The following MAGI3 variants were observed in gnomAD, a reference collection of about 807,000 sequenced individuals.
MAGI3 encodes the protein membrane associated guanylate kinase, WW and PDZ domain containing 3.
In MAGI3, 43 loss-of-function variants were observed where a neutral mutation model predicts 121.8. The ratio of observed to expected loss-of-function variants is 0.35; its 90% CI spans 0.28 to 0.46. The LOEUF (loss-of-function observed/expected upper bound fraction) is 0.46, where lower values mean the gene tolerates loss of function less well. Among genes scored for constraint, MAGI3 ranks in the 20% least tolerant of loss-of-function variants. The probability of loss-of-function intolerance (pLI) is 1.00; values close to 1 mark genes in which losing one functional copy is unlikely to be tolerated. For missense variants in MAGI3, 1,547 were observed against 1,797.3 expected (o/e 0.86, Z 2.52); for synonymous variants, 553 against 639.3 (o/e 0.86, Z 2.04).
intron 1 of MAGI3, among the ~76,000 whole-genome samples, chr1:113,442,815 T>C (rs1653985637): frequency 6.6e-6 from 1 of 152,160 alleles, no homozygotes; most frequent in Admixed American, 6.6e-5. Flanking sequence ...TTGACTATTA[T>C]GTTAGCCTCA....
At chr1:113,652,107 T>C (rs1323550225) in intron 14 of MAGI3, among the ~76,000 whole-genome samples, 1 of 152,222 alleles carries the variant, frequency 6.6e-6, no homozygotes, top group Non-Finnish European at 1.5e-5. Context: ...AGTTGCAGTT[T>C]AATTCAGAGA....
chr1:113,422,541 G>A lies in MAGI3; in HGVS notation c.316+31192G>A, dbSNP rs979893954. On this transcript the variant is annotated intron_variant, in intron 1 of 20. Coordinates refer to ENST00000307546, the MANE Select transcript of MAGI3 (RefSeq NM_001142782.2). This position sits in a 1 kb window ranked among gnomAD's most constrained non-coding sequence, Gnocchi z 4.3. ...AGCGAGTGTGGGGTCTGGCCACTGCGCACAGACAGGCATGCCAGCTGCTGC... is the reference window on the plus strand; with the variant it reads ...AGCGAGTGTGGGGTCTGGCCACTGCACACAGACAGGCATGCCAGCTGCTGC... 3.3e-5 allele frequency among the ~76,000 whole-genome samples: 5 copies of A among 152,358 alleles called. No individual in the cohort carries two copies. The highest frequency in any genetic ancestry group is 3.4e-3 in the Middle Eastern group (1 of 294).
intron 1 of MAGI3, among the ~76,000 whole-genome samples, chr1:113,398,632 A>G (rs1651242198): frequency 6.6e-6 from 1 of 152,110 alleles, no homozygotes. Flanking sequence ...GACTATGAAA[A>G]ATGGGATTTT....
intron 2 of MAGI3, among the ~76,000 whole-genome samples, chr1:113,550,937 A>C (rs550994856): frequency 2.1e-5 from 3 of 145,458 alleles, no homozygotes; most frequent in Non-Finnish European, 4.5e-5. Flanking sequence ...AATAATTTTA[A>C]AATCTTTCCC....
At chr1:113,613,451 A>G (rs1390249356) in intron 6 of MAGI3, among the ~76,000 whole-genome samples, 1 of 152,182 alleles carries the variant, frequency 6.6e-6, no homozygotes, top group East Asian at 1.9e-4. Context: ...CAGAATAATA[A>G]TTTTTCTTAG....
chr1:113,515,295 G>A (rs1213618343), intron 1 of MAGI3, among the ~76,000 whole-genome samples: 1 of 152,024 alleles, frequency 6.6e-6, no homozygotes, highest in African/African-American at 2.4e-5. Flanking sequence ...TGTTGTATTG[G>A]AATCTGATCT....
At chr1:113,517,679 G>A (rs1387828199) in intron 1 of MAGI3, among the ~76,000 whole-genome samples, 1 of 151,824 alleles carries the variant, frequency 6.6e-6, no homozygotes, top group African/African-American at 2.4e-5. Context: ...TCATCCATAT[G>A]TTGATACTAC....
At position 113,606,607 on chromosome 1, in the gene MAGI3, TTC is replaced by T. The variant is rs567963845; in HGVS notation, c.1019-7992_1019-7991del. Among the ~76,000 whole-genome samples the T allele has an allele frequency of 8.1e-4, 124 of 152,288 alleles. 1 individual carries two copies. The highest frequency in any genetic ancestry group is 2.7e-3 in the African/African-American group (111 of 41,564). On this transcript the variant is annotated intron_variant, in intron 6 of 20. Coordinates refer to ENST00000307546, the MANE Select transcript of MAGI3 (RefSeq NM_001142782.2). ...TATTGTCCTTTGTTCTGAATTATAT[TTC>T]TGTTTCCTCTTGCTTTTGAGTCTTG...
intron 1 of MAGI3, among the ~76,000 whole-genome samples, chr1:113,488,235 A>C (rs1464245640): frequency 6.6e-6 from 1 of 152,228 alleles, no homozygotes; most frequent in Non-Finnish European, 1.5e-5. Flanking sequence ...GCATCAAGCC[A>C]GCTGATGTGG....
intron 1 of MAGI3, among the ~76,000 whole-genome samples, chr1:113,503,998 T>C (rs1190502041): frequency 6.6e-6 from 1 of 152,058 alleles, no homozygotes; most frequent in African/African-American, 2.4e-5. Context: ...CTATGAAAAG[T>C]ATATTTACTT....
At chr1:113,622,478 A>G (rs1443206401) in intron 8 of MAGI3, among the ~76,000 whole-genome samples, 4 of 152,212 alleles carry the variant, frequency 2.6e-5, no homozygotes, top group Non-Finnish European at 5.9e-5. Flanking sequence ...TGAGCTGTGA[A>G]TTATAAAAAT....
intron 1 of MAGI3, among the ~76,000 whole-genome samples, chr1:113,493,592 A>G (rs560675355): frequency 1.3e-5 from 2 of 152,324 alleles, no homozygotes; most frequent in Non-Finnish European, 2.9e-5. Context: ...TGAACAGACA[A>G]CCTACAGAGT....
At chr1:113,453,054 C>T (rs558314588) in intron 1 of MAGI3, among the ~76,000 whole-genome samples, 11 of 152,250 alleles carry the variant, frequency 7.2e-5, no homozygotes, top group African/African-American at 2.2e-4. Context: ...TATATAAGCA[C>T]ATATGTTACA....
chr1:113,441,180 C>G (rs935921489), intron 1 of MAGI3, among the ~76,000 whole-genome samples: 8 of 152,122 alleles, frequency 5.3e-5, no homozygotes, highest in Non-Finnish European at 1.0e-4. Context: ...TTTTCTACCC[C>G]TAATATCTCA....
chr1:113,682,041 A>T (rs1473465967), intron 20 of MAGI3, among the ~76,000 whole-genome samples: 1 of 141,950 alleles, frequency 7.0e-6, no homozygotes, highest in Non-Finnish European at 1.5e-5. Context: ...CTTTTGAGGG[A>T]TAAGTGTAGA....
Position 113,468,546 on chromosome 1 carries a change from A to G in MAGI3, c.316+77197A>G, listed in dbSNP as rs79381571. Among the ~76,000 whole-genome samples, 49 of 152,280 alleles carry G rather than the reference A, an allele frequency of 3.2e-4. 4 individuals carry two copies. In the East Asian group the frequency reaches 9.5e-3, roughly 29 times the overall value. Reference sequence around the variant, plus strand: ...ACTGTATTGGACAGGACAGCTCACCACTTTTATCATGTGCCAGTAGGTGAA... The same window carrying G: ...ACTGTATTGGACAGGACAGCTCACCGCTTTTATCATGTGCCAGTAGGTGAA... On this transcript the variant is annotated intron_variant, in intron 1 of 20. Transcript: ENST00000307546.
chr1:113,677,266 G>A (rs1250055906), intron 19 of MAGI3, among the ~76,000 whole-genome samples: 1 of 152,164 alleles, frequency 6.6e-6, no homozygotes, highest in African/African-American at 2.4e-5. Flanking sequence ...AATATTAAGT[G>A]TTTGCTGTCT....
intron 1 of MAGI3, among the ~76,000 whole-genome samples, chr1:113,433,627 A>G (rs557083405): frequency 1.8e-4 from 27 of 152,334 alleles, no homozygotes; most frequent in African/African-American, 5.8e-4. Flanking sequence ...CTTCAAAACA[A>G]TTTTTAAAAA....
At chr1:113,614,549 CT>C (rs1465921943) in intron 6 of MAGI3, 51 bp from the exon 7 acceptor site, 3 of 1,346,956 alleles carry the variant, frequency 2.2e-6, no homozygotes, top group African/African-American at 2.9e-5. Context: ...CTGGTGAATT[CT>C]TTTCTGTCAG....
Sources: allele counts gnomAD v4.1 joint callset (sites outside exome capture counted in the v4.1 genomes callset), GRCh38; gene constraint gnomAD v4.1.1; non-coding constraint Gnocchi (gnomAD v3.1); transcripts MANE v1.5; gene names NCBI Gene and HGNC (gene_info 2026-07-23, HGNC 2026-07-21).